Variants in CASD1 observed in about 807,000 individuals in gnomAD.
CASD1 encodes CAS1 domain sialic acid O acetyltransferase 1, also known as N-acetylneuraminate (7)9-O-acetyltransferase.
In CASD1, 41 loss-of-function variants were observed where a neutral mutation model predicts 100.0. The ratio of observed to expected loss-of-function variants is 0.41; its 90% CI spans 0.32 to 0.53. The LOEUF (loss-of-function observed/expected upper bound fraction) is 0.53, where lower values mean the gene tolerates loss of function less well. Ranked by LOEUF, CASD1 falls within the 20% of genes least tolerant of loss-of-function variation. The probability of loss-of-function intolerance (pLI) is 0.25; values close to 1 mark genes in which losing one functional copy is unlikely to be tolerated. For missense variants in CASD1, 774 were observed against 948.7 expected, an observed-to-expected ratio of 0.82 and a Z score of 2.42; for synonymous variants, 321 against 315.6, an observed-to-expected ratio of 1.02 and a Z score of -0.18.
At chr7:94,542,202 C>A (rs570038312) in intron 10 of CASD1, among the ~76,000 whole-genome samples, 1 of 152,066 alleles carries the variant, frequency 6.6e-6, no homozygotes, top group Admixed American at 6.6e-5. Flanking sequence ...AACCTAGGTT[C>A]GACATCTGTT....
At chr7:94,554,915 A>T (rs533999720) in intron 17 of CASD1, among the ~76,000 whole-genome samples, 1 of 152,160 alleles carries the variant, frequency 6.6e-6, no homozygotes, top group African/African-American at 2.4e-5. Context: ...AACTGAGGGG[A>T]TTTTGATTTT....
At chr7:94,517,520 T>C (rs1314337854) in intron 1 of CASD1, 40 bp from the exon 2 acceptor site, 1 of 1,300,116 alleles carries the variant, frequency 7.7e-7, no homozygotes, top group East Asian at 2.3e-5. Context: ...TGTAAAATTT[T>C]AACTATTGTT....
the CASD1 span, among the ~76,000 whole-genome samples, chr7:94,634,155 T>C: frequency 2.6e-4 from 39 of 152,310 alleles, 1 homozygote; most frequent in East Asian, 2.7e-3. Flanking sequence ...ATTAATAAAC[T>C]AATCACTTTA....
chr7:94,616,956 A>G, the CASD1 span: 1 of 152,208 alleles, frequency 6.6e-6, no homozygotes, highest in African/African-American at 2.4e-5. Context: ...ATCTGAGACA[A>G]GAGTCCAAAT....
At chr7:94,585,468 T>C in the CASD1 span, 2 of 1,595,964 alleles carry the variant, frequency 1.3e-6, no homozygotes, top group Non-Finnish European at 1.7e-6. Context: ...TGTCTGATTA[T>C]AAATTCATTG....
At chr7:94,574,669 A>C in the CASD1 span, among the ~76,000 whole-genome samples, 6 of 141,136 alleles carry the variant, frequency 4.3e-5, no homozygotes, top group African/African-American at 1.1e-4. Flanking sequence ...GATTTTTTTC[A>C]AAAAAAAAAA....
chr7:94,533,006 G>A (rs1794925329), intron 5 of CASD1, among the ~76,000 whole-genome samples, 199 bp from the exon 6 acceptor site: 1 of 151,948 alleles, frequency 6.6e-6, no homozygotes, highest in African/African-American at 2.4e-5. Context: ...TATATGTAGC[G>A]TTACAAGATT....
the CASD1 span, among the ~76,000 whole-genome samples, chr7:94,569,746 A>C: frequency 6.6e-6 from 1 of 151,770 alleles, no homozygotes; most frequent in Non-Finnish European, 1.5e-5. Context: ...ACCAGGCATG[A>C]AGTGTGTCTC....
chr7:94,549,332 A>G (rs1227205926), intron 13 of CASD1, among the ~76,000 whole-genome samples: 1 of 151,946 alleles, frequency 6.6e-6, no homozygotes, highest in African/African-American at 2.4e-5. Context: ...TTAGAAGATA[A>G]ATTTATTTTC....
At chr7:94,514,275 C>T (rs1167463423) in intron 1 of CASD1, among the ~76,000 whole-genome samples, 1 of 152,088 alleles carries the variant, frequency 6.6e-6, no homozygotes, top group Non-Finnish European at 1.5e-5. Flanking sequence ...TAGAAAGATC[C>T]TGATCTTTAT....
In CASD1 at chr7:94,517,576, A is replaced by G. The variant is rs576996718; in HGVS notation, c.150A>G (p.Glu50=). 72 of 1,611,598 alleles carry G rather than the reference A, an allele frequency of 4.5e-5. No homozygotes were observed. The highest frequency in any genetic ancestry group is 6.1e-5 in the Non-Finnish European group (72 of 1,178,370). Residue 50 remains glutamate, a synonymous_variant, in exon 2 of 18, where the codon GAA becomes GAG. Transcript: ENST00000297273. The part of the protein sequence containing the change: ...SRRYRGNDSC[E]YLLSSGRFLG... The stretch of plus-strand genomic sequence containing the variant: ...CTGTTTTAGGCAATGATTCGTGTGA[A>G]TACCTTCTCTCAAGTGGCAGATTTC...
chr7:94,545,643 C>T lies in CASD1; in HGVS notation c.1575C>T (p.Phe525=), dbSNP rs755483294. ...YYFVPLVTVW[F]MVIYVTLALW... ...TTGTCCCCTTGGTCACTGTATGGTT[C>T]ATGGTCATATATGTTACTTTAGCAC... The change falls in exon 12 of 18, where the codon TTC becomes TTT. Residue 525 remains phenylalanine, a synonymous_variant. Transcript: ENST00000297273. The T allele has an allele frequency of 6.2e-7, 1 of 1,610,594 alleles. No homozygotes were observed. Among genetic ancestry groups the T allele is most frequent in the East Asian group, 2.2e-5 (1 of 44,738 alleles).
At chr7:94,611,683 T>A in the CASD1 span, among the ~76,000 whole-genome samples, 4 of 152,194 alleles carry the variant, frequency 2.6e-5, no homozygotes, top group Non-Finnish European at 4.4e-5. Flanking sequence ...GTTATTTTTT[T>A]AAAATGAAAT....
intron 3 of CASD1, among the ~76,000 whole-genome samples, chr7:94,526,111 A>T (rs931491867): frequency 6.6e-6 from 1 of 152,180 alleles, no homozygotes; most frequent in Non-Finnish European, 1.5e-5. Context: ...CATTCCTGTC[A>T]CTCAGGGCCT....
the CASD1 span, among the ~76,000 whole-genome samples, chr7:94,563,763 C>G: frequency 6.6e-6 from 1 of 151,872 alleles, no homozygotes; most frequent in African/African-American, 2.4e-5. Flanking sequence ...ATGTGTTGCC[C>G]CCAGAACCCA....
the CASD1 span, chr7:94,600,791 C>T: frequency 7.4e-6 from 12 of 1,613,322 alleles, no homozygotes; most frequent in Middle Eastern, 1.7e-4. Flanking sequence ...TATTCTCCAC[C>T]ATCAGGTAAA....
chr7:94,600,612 T>G, the CASD1 span: 1 of 1,445,630 alleles, frequency 6.9e-7, no homozygotes, highest in Non-Finnish European at 9.7e-7. Flanking sequence ...CTTAGCAGGA[T>G]CTCTAATTAT....
At chr7:94,560,772 AGT>A (rs1178352450), downstream of CASD1, among the ~76,000 whole-genome samples, 1 of 152,128 alleles carries the variant, frequency 6.6e-6, no homozygotes, top group African/African-American at 2.4e-5. Flanking sequence ...GAGGGGTGAG[AGT>A]GATAAATTCC....
the CASD1 span, among the ~76,000 whole-genome samples, chr7:94,631,689 C>T: frequency 2.6e-5 from 4 of 151,566 alleles, no homozygotes; most frequent in South Asian, 6.2e-4. Context: ...AATGCTGGAT[C>T]CTGGGGTAAA....
Sources: gnomAD v4.1 joint callset for allele counts (sites outside exome capture counted in the v4.1 genomes callset) on GRCh38, gnomAD v4.1.1 for gene constraint, MANE v1.5 for transcripts, NCBI Gene and HGNC (gene_info 2026-07-23, HGNC 2026-07-21) for gene names.